The following CSMD1 variants were observed in gnomAD, a reference collection of about 807,000 sequenced individuals.
CSMD1 encodes CUB and sushi domain-containing protein 1.
In CSMD1, 213 loss-of-function variants were observed where a neutral mutation model predicts 417.5. The observed-to-expected ratio is 0.51, with a 90% CI of 0.46 to 0.57. CSMD1 has a LOEUF of 0.57. CSMD1 is among the 20% of genes least tolerant of loss of function. The probability of loss-of-function intolerance (pLI) is 0.00; values close to 1 mark genes in which losing one functional copy is unlikely to be tolerated. For missense variants in CSMD1, 6,923 were observed against 4,529.7 expected, an observed-to-expected ratio of 1.53 and a Z score of -15.17; for synonymous variants, 2,862 against 1,736.8, an observed-to-expected ratio of 1.65 and a Z score of -16.11.
chr8:4,440,861 G>A (rs1217644), intron 2 of CSMD1, among the ~76,000 whole-genome samples: 1 of 151,526 alleles, frequency 6.6e-6, no homozygotes, highest in Middle Eastern at 3.2e-3. Context: ...GCTGGGAGTG[G>A]GGGTGAATGC....
chr8:2,942,385 T>C, intron 69 of CSMD1, 87 bp downstream of exon 69: 1 of 1,128,212 alleles, frequency 8.9e-7, no homozygotes, highest in Non-Finnish European at 1.2e-6. Context: ...AAAATACATG[T>C]GCATGTGAGC....
chr8:3,714,632 G>T (rs1801724949), intron 6 of CSMD1, among the ~76,000 whole-genome samples: 2 of 149,256 alleles, frequency 1.3e-5, no homozygotes, highest in African/African-American at 4.9e-5. Flanking sequence ...AGCTAGTTGG[G>T]AGGCTGAGGA....
chr8:3,290,778 C>G (rs1178668275), intron 25 of CSMD1, among the ~76,000 whole-genome samples: 2 of 147,828 alleles, frequency 1.4e-5, no homozygotes, highest in Non-Finnish European at 2.9e-5. Context: ...CCAACAGGGA[C>G]AATTTGACTT....
At chr8:4,763,358 T>C (rs542794847) in intron 1 of CSMD1, among the ~76,000 whole-genome samples, 10 of 152,218 alleles carry the variant, frequency 6.6e-5, no homozygotes, top group Admixed American at 3.3e-4. Context: ...TCCTATTGCA[T>C]TCACAGTCCT....
At chr8:4,404,615 T>C (rs1282265982) in intron 3 of CSMD1, among the ~76,000 whole-genome samples, 1 of 152,160 alleles carries the variant, frequency 6.6e-6, no homozygotes, top group Non-Finnish European at 1.5e-5. Context: ...CAATTTCTTT[T>C]GCACCAACCT....
At chr8:3,479,691 G>T (rs1210064952) in intron 11 of CSMD1, among the ~76,000 whole-genome samples, 2 of 152,022 alleles carry the variant, frequency 1.3e-5, no homozygotes, top group Non-Finnish European at 2.9e-5. Context: ...TACCTAACAT[G>T]ACACACAAAA....
At chr8:3,723,540 A>T (rs1802306939) in intron 6 of CSMD1, among the ~76,000 whole-genome samples, 1 of 152,212 alleles carries the variant, frequency 6.6e-6, no homozygotes, top group African/African-American at 2.4e-5. Flanking sequence ...CTTAAAAATG[A>T]ACAGTCAGCT....
intron 3 of CSMD1, among the ~76,000 whole-genome samples, chr8:4,044,120 G>A (rs1185728994): frequency 6.6e-6 from 1 of 152,048 alleles, no homozygotes; most frequent in African/African-American, 2.4e-5. Context: ...ATATTTTCTG[G>A]CTCACATGTT....
At chr8:4,737,449 T>C (rs1007811541) in intron 1 of CSMD1, among the ~76,000 whole-genome samples, 4 of 151,968 alleles carry the variant, frequency 2.6e-5, no homozygotes, top group African/African-American at 9.7e-5. Context: ...TAACAAAAAT[T>C]TACCTGTTTA....
intron 1 of CSMD1, among the ~76,000 whole-genome samples, chr8:4,838,723 G>C (rs1001480121): frequency 6.6e-6 from 1 of 152,186 alleles, no homozygotes; most frequent in African/African-American, 2.4e-5. Context: ...AGCCTCCCTT[G>C]TTTCATGCCA....
intron 3 of CSMD1, among the ~76,000 whole-genome samples, chr8:4,331,686 G>T (rs1799877138): frequency 1.3e-5 from 2 of 152,016 alleles, no homozygotes; most frequent in African/African-American, 4.8e-5. Context: ...CCCCAGTTAG[G>T]TCATTTCAAT....
chr8:4,660,674 G>C (rs1804537703), intron 1 of CSMD1, among the ~76,000 whole-genome samples: 2 of 120,102 alleles, frequency 1.7e-5, no homozygotes, highest in Admixed American at 1.9e-4. Context: ...ATCCTGTAAA[G>C]GGAATGAAAA....
chr8:3,017,806 TAAAAA>T (rs777717027), intron 52 of CSMD1, among the ~76,000 whole-genome samples: 24 of 76,480 alleles, frequency 3.1e-4, no homozygotes, highest in African/African-American at 1.1e-3. Flanking sequence ...TTGAGTGATT[TAAAAA>T]AAAAAAAAAA....
chr8:3,102,273 A>T (rs1000574740), intron 46 of CSMD1, among the ~76,000 whole-genome samples: 4 of 152,200 alleles, frequency 2.6e-5, no homozygotes, highest in African/African-American at 4.8e-5. Context: ...GATTTGGTAA[A>T]AGACATCTAG....
intron 5 of CSMD1, among the ~76,000 whole-genome samples, chr8:3,942,091 T>C (rs1365578046): frequency 6.6e-6 from 1 of 151,822 alleles, no homozygotes; most frequent in Non-Finnish European, 1.5e-5. Context: ...GAGCTCCTTG[T>C]GAGAATCTAA....
At chr8:4,130,614 TC>T (rs1019755016) in intron 3 of CSMD1, among the ~76,000 whole-genome samples, 194 of 152,292 alleles carry the variant, frequency 1.3e-3, no homozygotes, top group African/African-American at 4.4e-3. Flanking sequence ...GCTCTTGTCT[TC>T]TACCATTTAA....
At position 3,187,880 on chromosome 8, in the gene CSMD1, C is replaced by T. The variant is rs761601416; in HGVS notation, c.5609G>A (p.Gly1870Glu). 6.2e-7 allele frequency: 1 copy of T among 1,612,680 alleles called. No homozygotes were observed. The highest frequency in any genetic ancestry group is 8.5e-7 in the Non-Finnish European group (1 of 1,179,340). ...TGACTCCATCTTACCTGAGAAGCTT[C>T]CCAGTCTGGGTGCGGTCACATCCCC... ...DGGDVTAPRL[G>E]SFSGTTVPAL... The change falls in exon 36 of 70, where the codon GGA becomes GAA. Residue 1870 changes from glycine (G) to glutamate (E), a missense_variant. Physicochemically the swap from Gly to Glu is moderately conservative, Grantham distance 98. Coordinates refer to ENST00000635120, the MANE Select transcript of CSMD1 (RefSeq NM_033225.6).
intron 1 of CSMD1, among the ~76,000 whole-genome samples, chr8:4,980,600 T>A (rs963533272): frequency 6.6e-6 from 1 of 152,160 alleles, no homozygotes; most frequent in Non-Finnish European, 1.5e-5. Context: ...GAAGGTCACT[T>A]TGAATTCAAA....
At chr8:3,331,330 T>C (rs1310683857) in intron 23 of CSMD1, among the ~76,000 whole-genome samples, 3 of 152,158 alleles carry the variant, frequency 2.0e-5, no homozygotes, top group Non-Finnish European at 4.4e-5. Flanking sequence ...TAAAGAATCA[T>C]GTAACCAGAG....
Sources: gnomAD v4.1 joint callset for allele counts (sites outside exome capture counted in the v4.1 genomes callset) on GRCh38, gnomAD v4.1.1 for gene constraint, MANE v1.5 for transcripts, NCBI Gene and HGNC (gene_info 2026-07-23, HGNC 2026-07-21) for gene names.